Variants in THSD4 observed in about 807,000 individuals in gnomAD.
THSD4 encodes thrombospondin type 1 domain containing 4.
In THSD4, 69 loss-of-function variants were observed where a neutral mutation model predicts 119.0. That is an observed-to-expected ratio of 0.58 (90% CI 0.48 to 0.71). The LOEUF (loss-of-function observed/expected upper bound fraction) is 0.71. THSD4 is among the 30% of genes least tolerant of loss of function. THSD4 has a pLI of 0.00. For synonymous variants in THSD4, 524 were observed against 540.4 expected, an observed-to-expected ratio of 0.97 and a Z score of 0.42; for missense variants, 1,393 against 1,391.1, an observed-to-expected ratio of 1.00 and a Z score of -0.02.
At chr15:71,227,587 G>T (rs184660444) in intron 4 of THSD4, among the ~76,000 whole-genome samples, 1 of 152,318 alleles carries the variant, frequency 6.6e-6, no homozygotes, top group East Asian at 1.9e-4. Flanking sequence ...CCTACTATGT[G>T]CCACATCATT....
At chr15:71,753,227 T>A (rs2053481727) in intron 14 of THSD4, among the ~76,000 whole-genome samples, 1 of 152,218 alleles carries the variant, frequency 6.6e-6, no homozygotes, top group African/African-American at 2.4e-5. Flanking sequence ...CAGCTGCTTG[T>A]ACTTGAGAGT....
chr15:71,237,309 G>GC (rs1246918799), intron 4 of THSD4, among the ~76,000 whole-genome samples: 1 of 152,208 alleles, frequency 6.6e-6, no homozygotes, highest in East Asian at 1.9e-4. Context: ...CTCAGGCCGT[G>GC]CCCTAGACCA....
rs542605356 is a variant in THSD4 at position 71,263,804 on chromosome 15, T to C, written c.1015+7089T>C. On this transcript the variant is annotated intron_variant, in intron 6 of 17. Transcript: ENST00000261862. The stretch of plus-strand genomic sequence containing the variant: ...CTTCCAAGGGGGAAGGGAGGTACCC[T>C]CCCACTATGTGCTCAAAGGAGGAGA... 2.0e-5 allele frequency among the ~76,000 whole-genome samples: 3 copies of C among 152,346 alleles called. No homozygotes were observed. The South Asian group carries it at 6.2e-4, about 32-fold the overall frequency.
At chr15:71,360,811 T>C (rs1241868213) in intron 6 of THSD4, among the ~76,000 whole-genome samples, 17 of 152,214 alleles carry the variant, frequency 1.1e-4, no homozygotes, top group Admixed American at 9.8e-4. Flanking sequence ...GCACTGAAGG[T>C]GCCTTCCTTG....
At chr15:71,684,607 A>C (rs919150436) in intron 8 of THSD4, among the ~76,000 whole-genome samples, 2 of 151,580 alleles carry the variant, frequency 1.3e-5, no homozygotes, top group African/African-American at 4.8e-5. Flanking sequence ...ATTATCCTTG[A>C]ATTCCTGGAT....
At chr15:71,222,844 C>G (rs962003976) in intron 4 of THSD4, among the ~76,000 whole-genome samples, 6 of 152,156 alleles carry the variant, frequency 3.9e-5, no homozygotes, top group African/African-American at 1.4e-4. Flanking sequence ...GAGCTACACA[C>G]CCTGAAAGGC....
chr15:71,204,999 G>A (rs192670921), intron 3 of THSD4, among the ~76,000 whole-genome samples: 388 of 152,262 alleles, frequency 2.5e-3, no homozygotes, highest in African/African-American at 9.2e-3. Context: ...TTTTTGAGTA[G>A]CCCATAGGGG....
At chr15:71,560,759 CT>C (rs2049099462) in intron 7 of THSD4, among the ~76,000 whole-genome samples, 1 of 152,144 alleles carries the variant, frequency 6.6e-6, no homozygotes, top group Admixed American at 6.5e-5. Flanking sequence ...AATTAAGTGA[CT>C]TCCTAAGTAT....
chr15:71,606,418 C>T (rs1313199149), intron 7 of THSD4, among the ~76,000 whole-genome samples: 1 of 152,140 alleles, frequency 6.6e-6, no homozygotes, highest in Admixed American at 6.6e-5. Context: ...GTCACTTAGG[C>T]TTCTATGGCA....
intron 7 of THSD4, among the ~76,000 whole-genome samples, chr15:71,429,283 A>G (rs971278341): frequency 1.3e-5 from 2 of 152,180 alleles, no homozygotes; most frequent in African/African-American, 4.8e-5. Context: ...GAGGATAGTA[A>G]ACGATTGTTA....
chr15:71,714,396 AG>A (rs1391361561), intron 8 of THSD4, among the ~76,000 whole-genome samples: 1 of 152,226 alleles, frequency 6.6e-6, no homozygotes, highest in African/African-American at 2.4e-5. Flanking sequence ...AGGGTGGTGC[AG>A]GCATGGGGTG....
At chr15:71,373,908 A>G (rs563447300) in intron 6 of THSD4, among the ~76,000 whole-genome samples, 6 of 152,336 alleles carry the variant, frequency 3.9e-5, no homozygotes, top group Non-Finnish European at 2.9e-5. Flanking sequence ...ATTAAAAATC[A>G]TTACTTTAAA....
intron 6 of THSD4, among the ~76,000 whole-genome samples, chr15:71,377,046 G>A (rs1477119055): frequency 6.6e-6 from 1 of 152,188 alleles, no homozygotes; most frequent in Admixed American, 6.5e-5. Context: ...TGGGCCTGAT[G>A]TGGCACTGAT....
chr15:71,555,514 A>G (rs1468622710), intron 7 of THSD4, among the ~76,000 whole-genome samples: 2 of 152,098 alleles, frequency 1.3e-5, no homozygotes, highest in East Asian at 3.9e-4. Flanking sequence ...CTTTTTCACT[A>G]CTGATTTAAG....
At chr15:71,464,892 C>G (rs1040835368) in intron 7 of THSD4, among the ~76,000 whole-genome samples, 1 of 152,152 alleles carries the variant, frequency 6.6e-6, no homozygotes, top group Non-Finnish European at 1.5e-5. Flanking sequence ...ACCCCCTCCC[C>G]CTTAAGTCCT....
At chr15:71,525,589 T>G (rs1323246611) in intron 7 of THSD4, among the ~76,000 whole-genome samples, 1 of 152,204 alleles carries the variant, frequency 6.6e-6, no homozygotes, top group Non-Finnish European at 1.5e-5. Context: ...CGCAAATGTT[T>G]TATGTATTAG....
At chr15:71,538,588 A>T (rs2048716964) in intron 7 of THSD4, among the ~76,000 whole-genome samples, 1 of 152,222 alleles carries the variant, frequency 6.6e-6, no homozygotes, top group African/African-American at 2.4e-5. Context: ...TTATTGCTTG[A>T]AGCAGTGGTT....
At chr15:71,238,741 G>A (rs2140271111) in intron 4 of THSD4, among the ~76,000 whole-genome samples, 1 of 152,262 alleles carries the variant, frequency 6.6e-6, no homozygotes, top group South Asian at 2.1e-4. Flanking sequence ...TATGAATAAT[G>A]TAGCTATGAA....
At chr15:71,548,787 G>A (rs554502880) in intron 7 of THSD4, among the ~76,000 whole-genome samples, 1 of 152,166 alleles carries the variant, frequency 6.6e-6, no homozygotes, top group Non-Finnish European at 1.5e-5. Context: ...TGACAAATGG[G>A]CTGGCCTCAC....
Sources: allele counts gnomAD v4.1 joint callset (sites outside exome capture counted in the v4.1 genomes callset), GRCh38; gene constraint gnomAD v4.1.1; transcripts MANE v1.5; gene names NCBI Gene and HGNC (gene_info 2026-07-23, HGNC 2026-07-21).